IRAK3: variants seen among roughly 807,000 people sequenced by gnomAD.
IRAK3 encodes the protein interleukin 1 receptor associated kinase 3, also known as interleukin-1 receptor-associated kinase 3.
Under a neutral mutation model 56.6 loss-of-function variants are expected in IRAK3, and 57 were observed. That is an observed-to-expected ratio of 1.01 (90% CI 0.81 to 1.26). The LOEUF (loss-of-function observed/expected upper bound fraction) is 1.26. Ranked by LOEUF, IRAK3 falls within the 50% of genes most tolerant of loss-of-function variation. The probability of loss-of-function intolerance (pLI) is 0.00; values close to 1 mark genes in which losing one functional copy is unlikely to be tolerated. For missense variants in IRAK3, 703 were observed against 719.0 expected, an observed-to-expected ratio of 0.98 and a Z score of 0.25; for synonymous variants, 258 against 255.7, an observed-to-expected ratio of 1.01 and a Z score of -0.09.
chr12:66,216,158 G>T (rs1325289690), intron 5 of IRAK3, among the ~76,000 whole-genome samples: 1 of 152,064 alleles, frequency 6.6e-6, no homozygotes, highest in Non-Finnish European at 1.5e-5. Context: ...CAAAAAAACC[G>T]ACTCCTTCAT....
intron 11 of IRAK3, among the ~76,000 whole-genome samples, chr12:66,246,709 G>A (rs939634274): frequency 6.6e-6 from 1 of 152,220 alleles, no homozygotes; most frequent in African/African-American, 2.4e-5. Flanking sequence ...AATGTTGTTT[G>A]TACAGGTTAA....
chr12:66,246,905 C>T (rs2053038561), intron 11 of IRAK3, among the ~76,000 whole-genome samples: 1 of 152,156 alleles, frequency 6.6e-6, no homozygotes, highest in Admixed American at 6.5e-5. Context: ...GGACCTTCAA[C>T]ACCTTATGTT....
chr12:66,235,941 G>A (rs1157469123), intron 8 of IRAK3, among the ~76,000 whole-genome samples: 1 of 152,060 alleles, frequency 6.6e-6, no homozygotes, highest in Non-Finnish European at 1.5e-5. Context: ...AAATAACTTG[G>A]CGTCAGACCT....
intron 1 of IRAK3, among the ~76,000 whole-genome samples, chr12:66,199,193 T>C (rs1244116835): frequency 3.9e-5 from 6 of 152,192 alleles, no homozygotes; most frequent in Admixed American, 2.0e-4. Flanking sequence ...TATAATTAAT[T>C]AACAGGCCAG....
intron 6 of IRAK3, among the ~76,000 whole-genome samples, chr12:66,222,757 C>T (rs1043451189): frequency 1.3e-5 from 2 of 151,814 alleles, no homozygotes; most frequent in African/African-American, 2.4e-5. Flanking sequence ...TGTTATGAGA[C>T]GCAAATAATT....
intron 8 of IRAK3, chr12:66,234,000 A>T (rs576789799): frequency 6.6e-7 from 1 of 1,524,418 alleles, no homozygotes; most frequent in African/African-American, 1.4e-5. Context: ...AGCACAATTG[A>T]TCAGAAAAAT....
intron 2 of IRAK3, among the ~76,000 whole-genome samples, chr12:66,208,292 C>A (rs1008073479): frequency 6.6e-6 from 1 of 151,402 alleles, no homozygotes; most frequent in Non-Finnish European, 1.5e-5. Context: ...AAGTTATAGT[C>A]GACATTTGGG....
Position 66,219,861 on chromosome 12 carries a change from A to G in IRAK3, c.653+2626A>G, listed in dbSNP as rs186141865. The stretch of plus-strand genomic sequence containing the variant: ...ATTGGTATGTCTTCTTTGAAAAACT[A>G]TCTCTTTGGGTCATTTGCCCATTTT... On this transcript the variant is annotated intron_variant, in intron 6 of 11. Coordinates refer to ENST00000261233, the MANE Select transcript of IRAK3 (RefSeq NM_007199.3). Among the ~76,000 whole-genome samples the G allele has an allele frequency of 1.7e-3, 255 of 152,242 alleles. 1 individual carries two copies. The highest frequency in any genetic ancestry group is 5.7e-3 in the African/African-American group (237 of 41,548).
At chr12:66,209,358 C>T (rs889709235) in intron 2 of IRAK3, 98 bp from the exon 3 acceptor site, 6 of 747,376 alleles carry the variant, frequency 8.0e-6, no homozygotes, top group African/African-American at 1.7e-5. Flanking sequence ...TAGAAATGAA[C>T]AATGGCTAGC....
intron 6 of IRAK3, among the ~76,000 whole-genome samples, chr12:66,223,207 T>C (rs1333509687): frequency 3.3e-5 from 5 of 152,144 alleles, no homozygotes. Flanking sequence ...ATCACTTCTT[T>C]TGTGATTCTT....
At chr12:66,228,747 A>G (rs564394206) in intron 8 of IRAK3, among the ~76,000 whole-genome samples, 6 of 152,324 alleles carry the variant, frequency 3.9e-5, no homozygotes, top group Non-Finnish European at 1.5e-5. Flanking sequence ...TCCCCATACA[A>G]TCATTCTGTT....
At position 66,211,493 on chromosome 12, in the gene IRAK3, A is replaced by G. The variant is rs2052611166; in HGVS notation, c.484A>G (p.Thr162Ala). 8.7e-6 allele frequency: 14 copies of G among 1,604,120 alleles called. No individual in the cohort carries two copies. The highest frequency in any genetic ancestry group is 3.3e-5 in the South Asian group (3 of 90,914). ...SISFQNIIEGTRNFHKDFLIG... is the reference protein window; with the variant it reads ...SISFQNIIEGARNFHKDFLIG... ...CAGCTTTCAAAATATCATAGAAGGA[A>G]CTAGAAATTTCCACAAAGACTTCCT... Residue 162 changes from threonine to alanine, a missense_variant, in exon 5 of 12, where the codon ACT becomes GCT. Coordinates refer to ENST00000261233, the MANE Select transcript of IRAK3 (RefSeq NM_007199.3).
Position 66,248,906 on chromosome 12 carries a change from A to G in IRAK3, c.*735A>G, listed in dbSNP as rs1397239208. On this transcript the variant is annotated 3_prime_UTR_variant, in exon 12 of 12. Coordinates refer to ENST00000261233, the MANE Select transcript of IRAK3 (RefSeq NM_007199.3). ...CATCAAGTAATTTTTATTCCTGAGA[A>G]AATGGCTGGTCAAGGGCCTAGGTCA... is the stretch of plus-strand genomic sequence containing the variant. 6.6e-6 allele frequency: 1 copy of G among 152,196 alleles called. No homozygotes were observed. Among genetic ancestry groups the G allele is most frequent in the African/African-American group, 2.4e-5 (1 of 41,436 alleles). The allele number at this position is 152,196 out of a possible 1,614,324, so 9.4% of individuals were successfully genotyped here. A position where few individuals can be genotyped will look rare whatever the true frequency, so the allele number is the denominator to read the frequency against.
intron 6 of IRAK3, among the ~76,000 whole-genome samples, chr12:66,222,622 A>G (rs1001033318): frequency 1.3e-5 from 2 of 152,078 alleles, no homozygotes; most frequent in African/African-American, 2.4e-5. Flanking sequence ...TATATATTTA[A>G]GAGATATATT....
intron 5 of IRAK3, among the ~76,000 whole-genome samples, chr12:66,215,929 T>C (rs531423110): frequency 6.6e-6 from 1 of 152,174 alleles, no homozygotes; most frequent in South Asian, 2.1e-4. Context: ...ATTACTTTTC[T>C]TAGAGGGACT....
chr12:66,193,082 A>G (rs772403485), intron 1 of IRAK3, among the ~76,000 whole-genome samples: 1 of 151,916 alleles, frequency 6.6e-6, no homozygotes, highest in Non-Finnish European at 1.5e-5. Context: ...ATCTCAGTTT[A>G]CCGCAACCTC....
intron 1 of IRAK3, chr12:66,197,122 T>G: frequency 7.7e-7 from 1 of 1,299,466 alleles, no homozygotes. Context: ...GTTGACTTTT[T>G]GGCTTATGTG....
chr12:66,212,506 T>TA (rs1459431380), intron 5 of IRAK3, among the ~76,000 whole-genome samples: 1 of 152,166 alleles, frequency 6.6e-6, no homozygotes, highest in Non-Finnish European at 1.5e-5. Context: ...AAACATTTAC[T>TA]AAACTCTTAT....
rs1390876412 is a variant in IRAK3 at position 66,253,501 on chromosome 12, A to G, written c.*5330A>G. The G allele has an allele frequency of 6.6e-6, 1 of 152,170 alleles. No homozygotes were observed. The highest frequency in any genetic ancestry group is 1.5e-5 in the Non-Finnish European group (1 of 68,038). The allele number at this position is 152,170 out of a possible 1,614,324, so 9.4% of individuals were successfully genotyped here. A position where few individuals can be genotyped will look rare whatever the true frequency, so the allele number is the denominator to read the frequency against. On this transcript the variant is annotated 3_prime_UTR_variant, in exon 12 of 12. Coordinates refer to ENST00000261233, the MANE Select transcript of IRAK3 (RefSeq NM_007199.3). ...ACTTGCAAGTATTTTCCTGGGAGAC[A>G]TTTTTATTCAAAAGACCTGTATTGC... is the stretch of plus-strand genomic sequence containing the variant.
Sources: gnomAD v4.1 joint callset for allele counts (sites outside exome capture counted in the v4.1 genomes callset) on GRCh38, gnomAD v4.1.1 for gene constraint, MANE v1.5 for transcripts, NCBI Gene and HGNC (gene_info 2026-07-23, HGNC 2026-07-21) for gene names.